SPEF2: variants seen among roughly 807,000 people sequenced by gnomAD.
SPEF2 encodes the protein sperm flagella and cilia-associated protein 2.
SPEF2 carries 187 observed loss-of-function variants against 224.6 expected under a neutral mutation model. The observed-to-expected ratio is 0.83, with a 90% CI of 0.74 to 0.94. SPEF2 has a LOEUF of 0.94. Among genes scored for constraint, SPEF2 ranks in the 40% least tolerant of loss-of-function variants. The probability of loss-of-function intolerance (pLI) is 0.00; values close to 1 mark genes in which losing one functional copy is unlikely to be tolerated. For missense variants in SPEF2, 2,170 were observed against 2,135.6 expected (o/e 1.02, Z -0.32); for synonymous variants, 715 against 707.3 (o/e 1.01, Z -0.17).
chr5:35,752,452 C>T (rs1749811349), intron 23 of SPEF2, among the ~76,000 whole-genome samples: 2 of 151,886 alleles, frequency 1.3e-5, no homozygotes, highest in South Asian at 4.2e-4. Context: ...CCATGAATGG[C>T]TAAGTTTTTA....
intron 7 of SPEF2, among the ~76,000 whole-genome samples, chr5:35,655,505 A>G (rs1010496626): frequency 1.3e-5 from 2 of 152,192 alleles, no homozygotes; most frequent in African/African-American, 4.8e-5. Context: ...AAGGTGAAAG[A>G]GGGATTAGGG....
intron 18 of SPEF2, 68 bp downstream of exon 18, chr5:35,705,876 G>T (rs1199095218): frequency 1.9e-5 from 20 of 1,034,806 alleles, no homozygotes; most frequent in Non-Finnish European, 2.4e-5. Context: ...GAGTTTGGTA[G>T]GAAATGAAGA....
intron 20 of SPEF2, among the ~76,000 whole-genome samples, chr5:35,724,182 A>G (rs1408278777): frequency 2.6e-5 from 4 of 152,194 alleles, no homozygotes; most frequent in Non-Finnish European, 5.9e-5. Context: ...CTGTTAACCT[A>G]TGAGAAGAAA....
intron 26 of SPEF2, 55 bp from the exon 27 acceptor site, chr5:35,771,554 G>T: frequency 6.4e-7 from 1 of 1,570,404 alleles, no homozygotes; most frequent in Non-Finnish European, 8.6e-7. Context: ...CATCCAAATG[G>T]TTGCCATATT....
At chr5:35,759,850 A>C in intron 25 of SPEF2, 131 bp downstream of exon 25, 1 of 895,952 alleles carries the variant, frequency 1.1e-6, no homozygotes, top group Non-Finnish European at 1.6e-6. Context: ...TCTAATAACC[A>C]AACATGTTTT....
intron 30 of SPEF2, among the ~76,000 whole-genome samples, chr5:35,786,170 G>A (rs1755084697): frequency 6.6e-6 from 1 of 152,102 alleles, no homozygotes; most frequent in African/African-American, 2.4e-5. Flanking sequence ...TTATTCACCA[G>A]CATTATGTGA....
Position 35,709,127 on chromosome 5 carries a change from T to G in SPEF2, c.2839+6T>G. Reference sequence around the variant, plus strand: ...AAAAGGAAAACCTCAATCAGGTGATTGACAGAATGATTTATAATCCTGTTT... The same window carrying G: ...AAAAGGAAAACCTCAATCAGGTGATGGACAGAATGATTTATAATCCTGTTT... On this transcript the variant is annotated splice_donor_region_variant and intron_variant, in intron 19 of 36. Transcript: ENST00000356031. 6.2e-7 allele frequency: 1 copy of G among 1,607,978 alleles called. No homozygotes were observed. Among genetic ancestry groups the G allele is most frequent in the Non-Finnish European group, 8.5e-7 (1 of 1,178,782 alleles).
At chr5:35,637,156 G>A (rs900828062) in intron 2 of SPEF2, among the ~76,000 whole-genome samples, 1 of 152,026 alleles carries the variant, frequency 6.6e-6, no homozygotes, top group Non-Finnish European at 1.5e-5. Context: ...AGGGAGTGAG[G>A]TATGGACATG....
intron 19 of SPEF2, chr5:35,709,451 C>CTA (rs1334252366): frequency 2.9e-6 from 3 of 1,042,514 alleles, no homozygotes; most frequent in Non-Finnish European, 3.5e-6. Context: ...GTGTGCTGAA[C>CTA]TATAGAGTTA....
At chr5:35,785,125 A>G (rs1218379252) in intron 30 of SPEF2, among the ~76,000 whole-genome samples, 1 of 152,240 alleles carries the variant, frequency 6.6e-6, no homozygotes, top group Admixed American at 6.5e-5. Flanking sequence ...AGGGAATGAT[A>G]TAGAAGAATA....
chr5:35,759,448 C>A, intron 24 of SPEF2, 120 bp from the exon 25 acceptor site: 1 of 896,446 alleles, frequency 1.1e-6, no homozygotes, highest in Non-Finnish European at 1.6e-6. Context: ...CTTCTTATTT[C>A]CAGAAAATTA....
rs9292598 is a variant in SPEF2 at position 35,659,253 on chromosome 5, T to C, written c.1167+46T>C. On this transcript the variant is annotated intron_variant, in intron 8 of 36. Coordinates refer to ENST00000356031, the MANE Select transcript of SPEF2 (RefSeq NM_024867.4). Reference sequence around the variant, plus strand: ...AAATCTTTCTAAGGTTACTTTTGTTTCTTTCTACCAAGTCGTGGTAAACAA... The same window carrying C: ...AAATCTTTCTAAGGTTACTTTTGTTCCTTTCTACCAAGTCGTGGTAAACAA... 0.57 allele frequency: 863,785 copies of C among 1,512,472 alleles called. 250,435 individuals are homozygous for C. The highest frequency in any genetic ancestry group is 0.76 in the East Asian group (32,496 of 42,992). 93.7% of individuals were successfully genotyped at this position (1,512,472 alleles called of 1,614,324 possible). A position where few individuals can be genotyped will look rare whatever the true frequency, so the allele number is the denominator to read the frequency against.
At chr5:35,763,496 C>T in intron 25 of SPEF2, 26 bp from the exon 26 acceptor site, 10 of 1,516,952 alleles carry the variant, frequency 6.6e-6, no homozygotes, top group Non-Finnish European at 8.8e-6. Flanking sequence ...AATTTTTTAT[C>T]CTTTTTGCTT....
chr5:35,701,670 G>A (rs1738669909), intron 16 of SPEF2, among the ~76,000 whole-genome samples: 1 of 152,124 alleles, frequency 6.6e-6, no homozygotes, highest in African/African-American at 2.4e-5. Context: ...GAAATTGATA[G>A]TAATGCAAAT....
chr5:35,811,953 T>C (rs910779824), intron 36 of SPEF2, among the ~76,000 whole-genome samples: 4 of 151,828 alleles, frequency 2.6e-5, no homozygotes, highest in Non-Finnish European at 5.9e-5. Context: ...CCCGACTAAT[T>C]TCTCCATATT....
Position 35,704,415 on chromosome 5 carries a change from C to T in SPEF2, c.2399-139C>T, listed in dbSNP as rs79139426. On this transcript the variant is annotated intron_variant, in intron 16 of 36. Coordinates refer to ENST00000356031, the MANE Select transcript of SPEF2 (RefSeq NM_024867.4). Reference sequence around the variant, plus strand: ...TTATCTCAAAACTATACTCTTTCAACATCTTTTAAAATATTTTTAAGTAAC... The same window carrying T: ...TTATCTCAAAACTATACTCTTTCAATATCTTTTAAAATATTTTTAAGTAAC... 56,070 of 548,310 alleles carry T rather than the reference C, an allele frequency of 0.1. 5,148 individuals are homozygous for T. The highest frequency in any genetic ancestry group is 0.4 in the East Asian group (12,945 of 32,396). The allele number at this position is 548,310 out of a possible 1,614,324, so 34.0% of individuals were successfully genotyped here.
intron 20 of SPEF2, among the ~76,000 whole-genome samples, chr5:35,714,680 T>TTTTTTTTATTTATTTA (rs1554039989): frequency 3.7e-5 from 5 of 134,524 alleles, no homozygotes; most frequent in East Asian, 2.2e-4. Flanking sequence ...TTGGGTTTAT[T>TTTTTTTTATTTATTTA]TTTATTTATT....
chr5:35,656,496 T>G (rs905046275), intron 7 of SPEF2, among the ~76,000 whole-genome samples: 1 of 152,222 alleles, frequency 6.6e-6, no homozygotes, highest in African/African-American at 2.4e-5. Flanking sequence ...GAAAACTAGA[T>G]AGTTGAAAAG....
intron 3 of SPEF2, among the ~76,000 whole-genome samples, chr5:35,643,254 G>A (rs1470174379): frequency 6.6e-6 from 1 of 152,108 alleles, no homozygotes; most frequent in African/African-American, 2.4e-5. Flanking sequence ...ATATTTATTG[G>A]GCTCCTACTT....
Sources: gnomAD v4.1 joint callset for allele counts (sites outside exome capture counted in the v4.1 genomes callset) on GRCh38, gnomAD v4.1.1 for gene constraint, MANE v1.5 for transcripts, NCBI Gene and HGNC (gene_info 2026-07-23, HGNC 2026-07-21) for gene names.